ERC2: variants seen among roughly 807,000 people sequenced by gnomAD.
The protein encoded by ERC2 is ERC protein 2.
Under a neutral mutation model 114.8 loss-of-function variants are expected in ERC2, and 42 were observed. That is an observed-to-expected ratio of 0.37 (90% CI 0.29 to 0.47). The LOEUF (loss-of-function observed/expected upper bound fraction) is 0.47. Among genes scored for constraint, ERC2 ranks in the 20% least tolerant of loss-of-function variants. The probability of loss-of-function intolerance (pLI) is 0.99; values close to 1 mark genes in which losing one functional copy is unlikely to be tolerated. For missense variants in ERC2, 939 were observed against 1,150.7 expected (o/e 0.82, Z 2.66); for synonymous variants, 454 against 425.5 (o/e 1.07, Z -0.82).
intron 2 of ERC2, among the ~76,000 whole-genome samples, chr3:56,366,860 G>C (rs940059561): frequency 2.0e-5 from 3 of 152,170 alleles, no homozygotes; most frequent in African/African-American, 7.2e-5. Flanking sequence ...AAACTGGATA[G>C]GATTCTCCTT....
At chr3:56,328,178 C>A (rs933674046) in intron 2 of ERC2, among the ~76,000 whole-genome samples, 1 of 152,094 alleles carries the variant, frequency 6.6e-6, no homozygotes, top group Non-Finnish European at 1.5e-5. Context: ...ATGCAGAAGA[C>A]CGAAATTTGG....
intron 17 of ERC2, among the ~76,000 whole-genome samples, chr3:55,522,166 C>T (rs1169883852): frequency 6.6e-6 from 1 of 152,308 alleles, no homozygotes; most frequent in African/African-American, 2.4e-5. Flanking sequence ...TTCAGAGTTT[C>T]CCCGCAACAA....
intron 17 of ERC2, among the ~76,000 whole-genome samples, chr3:55,547,737 G>A (rs1211676645): frequency 6.6e-6 from 1 of 152,140 alleles, no homozygotes; most frequent in African/African-American, 2.4e-5. Flanking sequence ...GCAAATATAG[G>A]GAATGAAGCT....
chr3:55,968,850 C>G (rs1262089814), intron 12 of ERC2, among the ~76,000 whole-genome samples: 1 of 152,100 alleles, frequency 6.6e-6, no homozygotes, highest in Non-Finnish European at 1.5e-5. Flanking sequence ...CTCAGTAATG[C>G]TCTTTGCTGA....
chr3:55,601,703 A>T (rs756457515), intron 17 of ERC2, among the ~76,000 whole-genome samples: 7 of 152,164 alleles, frequency 4.6e-5, no homozygotes, highest in Non-Finnish European at 1.0e-4. Context: ...GCGGTGGTTT[A>T]TGTCTGTAAG....
chr3:55,782,700 A>T (rs1281708309), intron 14 of ERC2, among the ~76,000 whole-genome samples: 4 of 152,218 alleles, frequency 2.6e-5, no homozygotes, highest in African/African-American at 9.6e-5. Context: ...ACAGGGTGTT[A>T]AGCAAGGCCA....
intron 17 of ERC2, among the ~76,000 whole-genome samples, chr3:55,538,541 T>G (rs1233891997): frequency 6.6e-6 from 1 of 152,242 alleles, no homozygotes; most frequent in Admixed American, 6.5e-5. Context: ...ATGGGATTTT[T>G]CCATTTTAAT....
chr3:55,628,131 G>A (rs929200715), intron 17 of ERC2, among the ~76,000 whole-genome samples: 17 of 69,920 alleles, frequency 2.4e-4, no homozygotes, highest in Non-Finnish European at 3.8e-4. Flanking sequence ...TCCCAAGGAA[G>A]CATTTTGTAT....
chr3:56,465,596 T>C (rs2063507847), intron 1 of ERC2, among the ~76,000 whole-genome samples: 1 of 152,244 alleles, frequency 6.6e-6, no homozygotes, highest in Admixed American at 6.5e-5. Flanking sequence ...AAAACTCTAA[T>C]TGGAAATTTA....
At chr3:55,713,910 C>A (rs1231074715) in intron 15 of ERC2, among the ~76,000 whole-genome samples, 1 of 152,182 alleles carries the variant, frequency 6.6e-6, no homozygotes, top group Admixed American at 6.5e-5. Context: ...TGGTACCCTG[C>A]GACTATGCCA....
intron 17 of ERC2, among the ~76,000 whole-genome samples, chr3:55,619,577 A>G (rs768869870): frequency 2.0e-5 from 3 of 152,262 alleles, no homozygotes; most frequent in Non-Finnish European, 2.9e-5. Flanking sequence ...ACGTACGATA[A>G]TAATAAAACC....
At chr3:55,596,831 T>C (rs769064685) in intron 17 of ERC2, among the ~76,000 whole-genome samples, 165 of 152,144 alleles carry the variant, frequency 1.1e-3, no homozygotes, top group Admixed American at 4.5e-3. Flanking sequence ...ATATCCTAGA[T>C]AGAGAGAAAA....
At chr3:56,418,250 A>T (rs2061246120) in intron 2 of ERC2, among the ~76,000 whole-genome samples, 1 of 147,206 alleles carries the variant, frequency 6.8e-6, no homozygotes, top group Admixed American at 6.9e-5. Flanking sequence ...GTAAGCTATG[A>T]TTGCCACTGC....
At chr3:55,979,021 A>C (rs2069844861) in intron 12 of ERC2, among the ~76,000 whole-genome samples, 1 of 152,170 alleles carries the variant, frequency 6.6e-6, no homozygotes, top group African/African-American at 2.4e-5. Flanking sequence ...TTACCCAGTG[A>C]GTGTTTCTCA....
At chr3:56,299,139 G>A (rs1452639986) in intron 2 of ERC2, among the ~76,000 whole-genome samples, 1 of 70,078 alleles carries the variant, frequency 1.4e-5, no homozygotes, top group Admixed American at 1.5e-4. Context: ...TTGTTTGTTT[G>A]TTTTTTGAGA....
intron 12 of ERC2, among the ~76,000 whole-genome samples, chr3:55,981,358 C>A (rs2070119757): frequency 6.6e-6 from 1 of 152,188 alleles, no homozygotes; most frequent in African/African-American, 2.4e-5. Context: ...CTGTGGATAA[C>A]CCCTTCAACC....
At chr3:55,738,781 C>A (rs1187809683) in intron 14 of ERC2, among the ~76,000 whole-genome samples, 1 of 152,154 alleles carries the variant, frequency 6.6e-6, no homozygotes, top group Admixed American at 6.5e-5. Context: ...AATTATTTTA[C>A]TTTAAGTTCT....
intron 17 of ERC2, among the ~76,000 whole-genome samples, chr3:55,522,493 C>T (rs2053027681): frequency 6.9e-6 from 1 of 145,264 alleles, no homozygotes; most frequent in Non-Finnish European, 1.5e-5. Context: ...CCTTCCCACC[C>T]TCCCTTGCCC....
At chr3:55,899,712 G>A (rs2064032399) in intron 13 of ERC2, among the ~76,000 whole-genome samples, 1 of 152,064 alleles carries the variant, frequency 6.6e-6, no homozygotes, top group Non-Finnish European at 1.5e-5. Flanking sequence ...ACTATGTGTT[G>A]GGATTTTTTT....
Sources: allele counts gnomAD v4.1 joint callset (sites outside exome capture counted in the v4.1 genomes callset), GRCh38; gene constraint gnomAD v4.1.1; transcripts MANE v1.5; gene names NCBI Gene and HGNC (gene_info 2026-07-23, HGNC 2026-07-21).